Variants in ZNFX1 observed in about 807,000 individuals in gnomAD.
The protein encoded by ZNFX1 is zinc finger NFX1-type containing 1, also known as NFX1-type zinc finger-containing protein 1.
Under a neutral mutation model 179.8 loss-of-function variants are expected in ZNFX1, and 78 were observed. That is an observed-to-expected ratio of 0.43 (90% CI 0.36 to 0.52). The LOEUF (loss-of-function observed/expected upper bound fraction) is 0.52. Among genes scored for constraint, ZNFX1 ranks in the 20% least tolerant of loss-of-function variants. ZNFX1 has a pLI of 0.00. For missense variants in ZNFX1, 1,927 were observed against 2,386.6 expected (o/e 0.81, Z 4.01); for synonymous variants, 848 against 868.5 (o/e 0.98, Z 0.42).
intron 7 of ZNFX1, 54 bp from the exon 8 acceptor site, chr20:49,257,718 T>TGATA: frequency 6.6e-7 from 1 of 1,503,852 alleles, no homozygotes; most frequent in East Asian, 2.4e-5. Context: ...TTTTTTTTTT[T>TGATA]TGATATGGAA....
At position 49,271,484 on chromosome 20, in the gene ZNFX1, G is replaced by C; in HGVS notation, c.328C>G (p.Gln110Glu). The change falls in exon 3 of 14, where the codon CAG becomes GAG. Residue 110 changes from glutamine (Q) to glutamate (E), a missense_variant. Coordinates refer to ENST00000396105, the MANE Select transcript of ZNFX1 (RefSeq NM_021035.3). ...ENDTRWRNGNQDCRNRRPPWS... is the reference protein window; with the variant it reads ...ENDTRWRNGNEDCRNRRPPWS... ...GGTGGTCTGCGGTTCCTACAGTCCT[G>C]GTTGCCATTTCTCCACCTGGTGTCA... The C allele has an allele frequency of 2.5e-6, 4 of 1,614,122 alleles. No homozygotes were observed. The highest frequency in any genetic ancestry group is 3.4e-6 in the Non-Finnish European group (4 of 1,180,010).
chr20:49,257,005 T>C (rs1980986003), intron 8 of ZNFX1, among the ~76,000 whole-genome samples: 1 of 152,208 alleles, frequency 6.6e-6, no homozygotes, highest in African/African-American at 2.4e-5. Flanking sequence ...GAAGGAGGAA[T>C]ATTCCATCCA....
intron 9 of ZNFX1, 92 bp downstream of exon 9, chr20:49,255,716 G>C (rs1400245652): frequency 3.5e-6 from 5 of 1,419,036 alleles, no homozygotes; most frequent in Admixed American, 2.2e-5. Context: ...TCAATAATTA[G>C]TTAACATCGT....
rs746976084 is a variant in ZNFX1 at position 49,248,571 on chromosome 20, G to T, written c.4453C>A (p.Pro1485Thr). Residue 1485 changes from proline to threonine, a missense_variant, in exon 14 of 14, where the codon CCC becomes ACC. By Grantham distance (38) the Pro-to-Thr change is conservative (BLOSUM62 -1). Coordinates refer to ENST00000396105, the MANE Select transcript of ZNFX1 (RefSeq NM_021035.3). The surrounding 1 kb of genome is among the most constrained non-coding windows in gnomAD (Gnocchi z 4.6). ...CGGTTCTGACAGGTCCGCTGGCAGG[G>T]TGGGCACTCACCAATGCATGGTTCC... ...CQEPCIGECPPCQRTCQNRCV... is the reference protein window; with the variant it reads ...CQEPCIGECPTCQRTCQNRCV... The T allele has an allele frequency of 7.7e-5, 124 of 1,614,076 alleles. No individual in the cohort carries two copies. Among genetic ancestry groups the T allele is most frequent in the Non-Finnish European group, 9.7e-5 (115 of 1,180,052 alleles).
At position 49,270,854 on chromosome 20, in the gene ZNFX1, T is replaced by C. The variant is rs758169901; in HGVS notation, c.958A>G (p.Thr320Ala). 6 of 1,613,810 alleles carry C rather than the reference T, an allele frequency of 3.7e-6. No individual in the cohort carries two copies. The highest frequency in any genetic ancestry group is 2.2e-5 in the East Asian group (1 of 44,876). The change falls in exon 3 of 14, where the codon ACT (threonine) becomes GCT (alanine). Residue 320 changes from threonine (T) to alanine (A), a missense_variant. By Grantham distance (58) the Thr-to-Ala change is moderately conservative. Transcript: ENST00000396105. This position sits in a 1 kb window ranked among gnomAD's most constrained non-coding sequence, Gnocchi z 4.6. ...TCTTCTGCCTCAGGCTGCACTAGAG[T>C]GTAGGTATCCACTCTCAAAGTGCCC... The part of the protein sequence containing the change: ...REGTLRVDTY[T>A]LVQPEAEDHV...
intron 2 of ZNFX1, among the ~76,000 whole-genome samples, chr20:49,272,249 C>T (rs745764326): frequency 1.5e-4 from 23 of 151,034 alleles, no homozygotes; most frequent in Non-Finnish European, 2.7e-4. Flanking sequence ...GCGATCTCAG[C>T]TCACTGCAAC....
intron 8 of ZNFX1, 129 bp from the exon 9 acceptor site, chr20:49,256,076 C>T (rs977730148): frequency 1.7e-6 from 2 of 1,146,418 alleles, no homozygotes; most frequent in Non-Finnish European, 2.4e-6. Context: ...GTCTTACATT[C>T]TCCCAACAGC....
intron 6 of ZNFX1, among the ~76,000 whole-genome samples, chr20:49,262,968 A>G (rs1401006578): frequency 6.6e-6 from 1 of 152,262 alleles, no homozygotes; most frequent in Non-Finnish European, 1.5e-5. Flanking sequence ...TCATCTAAAT[A>G]ACAATCCTGT....
intron 4 of ZNFX1, 79 bp downstream of exon 4, chr20:49,266,056 G>A (rs1793530845): frequency 6.6e-7 from 1 of 1,508,680 alleles, no homozygotes; most frequent in South Asian, 1.2e-5. Flanking sequence ...TGTTTGAAGA[G>A]CAATAGAAAG....
In ZNFX1 at chr20:49,248,980, C is replaced by A; in HGVS notation, c.4044G>T (p.Val1348=). 6.2e-7 allele frequency: 1 copy of A among 1,614,238 alleles called. No homozygotes were observed. The highest frequency in any genetic ancestry group is 8.5e-7 in the Non-Finnish European group (1 of 1,180,030). ...FQECQPCQVK[V]PKTIPRCGHE... The stretch of plus-strand genomic sequence containing the variant: ...GGCCGCACCGAGGAATGGTTTTGGG[C>A]ACCTTCACCTGACAAGGCTGACACT... The change falls in exon 14 of 14, where the codon GTG becomes GTT. Residue 1348 remains valine, a synonymous_variant. Coordinates refer to ENST00000396105, the MANE Select transcript of ZNFX1 (RefSeq NM_021035.3). This position sits in a 1 kb window ranked among gnomAD's most constrained non-coding sequence, Gnocchi z 4.6.
chr20:49,257,136 G>A (rs1980988963), intron 8 of ZNFX1, among the ~76,000 whole-genome samples: 1 of 152,194 alleles, frequency 6.6e-6, no homozygotes, highest in Non-Finnish European at 1.5e-5. Context: ...GACCGTGTTT[G>A]ACCTGACTCA....
intron 5 of ZNFX1, among the ~76,000 whole-genome samples, 181 bp downstream of exon 5, chr20:49,264,535 T>C (rs542640991): frequency 1.4e-4 from 22 of 152,264 alleles, no homozygotes; most frequent in African/African-American, 4.8e-4. Context: ...TTCTCCATCT[T>C]GGATTGTGAA....
intron 3 of ZNFX1, among the ~76,000 whole-genome samples, chr20:49,266,949 T>C (rs1981248725): frequency 6.6e-6 from 1 of 152,182 alleles, no homozygotes; most frequent in Non-Finnish European, 1.5e-5. Context: ...CAGGCTGGAA[T>C]GCAATGGTGT....
chr20:49,271,829 T>C, intron 2 of ZNFX1, 79 bp from the exon 3 acceptor site: 1 of 1,482,480 alleles, frequency 6.7e-7, no homozygotes, highest in East Asian at 2.3e-5. Context: ...GAACGTGCTT[T>C]CATTTTCCAA....
At chr20:49,263,285 A>G in intron 6 of ZNFX1, 49 bp downstream of exon 6, 1 of 1,594,812 alleles carries the variant, frequency 6.3e-7, no homozygotes, top group South Asian at 1.1e-5. Flanking sequence ...AGGCTACCTC[A>G]AAGTACTGAG....
intron 9 of ZNFX1, among the ~76,000 whole-genome samples, chr20:49,255,042 C>CT (rs529416151): frequency 0.68 from 93,831 of 137,150 alleles, 32,706 homozygotes; most frequent in Non-Finnish European, 0.77. Context: ...CTTTCTACTA[C>CT]TTTTTTTTTT....
At chr20:49,251,009 AG>A (rs1454980840) in intron 13 of ZNFX1, among the ~76,000 whole-genome samples, 1 of 148,694 alleles carries the variant, frequency 6.7e-6, no homozygotes, top group Admixed American at 6.7e-5. Context: ...GCGCCTGGCC[AG>A]AATTCTTATA....
chr20:49,251,404 G>C (rs1980832621), intron 13 of ZNFX1, 123 bp downstream of exon 13: 4 of 715,502 alleles, frequency 5.6e-6, no homozygotes, highest in South Asian at 4.8e-5. Flanking sequence ...GCTTCCCAAA[G>C]TGCTGGGATT....
chr20:49,277,010 A>G (rs1441783688), intron 1 of ZNFX1, among the ~76,000 whole-genome samples: 3 of 152,236 alleles, frequency 2.0e-5, no homozygotes, highest in Non-Finnish European at 4.4e-5. Flanking sequence ...AAGAAAAGAA[A>G]AAAAGATGTT....
Sources: gnomAD v4.1 joint callset for allele counts (sites outside exome capture counted in the v4.1 genomes callset) on GRCh38, gnomAD v4.1.1 for gene constraint, Gnocchi (gnomAD v3.1) non-coding constraint, MANE v1.5 for transcripts, NCBI Gene and HGNC (gene_info 2026-07-23, HGNC 2026-07-21) for gene names.